Variants in ARHGEF17 observed in about 807,000 individuals in gnomAD.
ARHGEF17 encodes the protein 164 kDa Rho-specific guanine-nucleotide exchange factor.
In ARHGEF17, 80 loss-of-function variants were observed where a neutral mutation model predicts 174.0. The ratio of observed to expected loss-of-function variants is 0.46; its 90% CI spans 0.38 to 0.55. ARHGEF17 has a LOEUF of 0.55. Among genes scored for constraint, ARHGEF17 ranks in the 20% least tolerant of loss-of-function variants. ARHGEF17 has a pLI of 0.00. For missense variants in ARHGEF17, 2,886 were observed against 2,839.7 expected, an observed-to-expected ratio of 1.02 and a Z score of -0.37; for synonymous variants, 1,311 against 1,189.1, an observed-to-expected ratio of 1.10 and a Z score of -2.11.
intron 12 of ARHGEF17, 30 bp from the exon 13 acceptor site, chr11:73,362,010 C>T (rs1423383192): frequency 1.2e-6 from 2 of 1,602,572 alleles, no homozygotes; most frequent in East Asian, 4.5e-5. Context: ...CCTCCATTCA[C>T]CTTCTCCTGT....
intron 1 of ARHGEF17, among the ~76,000 whole-genome samples, chr11:73,330,251 C>T (rs896196192): frequency 2.6e-5 from 4 of 152,110 alleles, no homozygotes; most frequent in African/African-American, 9.7e-5. Flanking sequence ...TTTTACTATG[C>T]AGAAGGTTTT....
chr11:73,348,965 G>T (rs917776293), intron 2 of ARHGEF17, among the ~76,000 whole-genome samples: 1 of 152,126 alleles, frequency 6.6e-6, no homozygotes, highest in Non-Finnish European at 1.5e-5. Flanking sequence ...CCAGCAGAGG[G>T]TATGTCAGGG....
chr11:73,352,747 G>C, intron 2 of ARHGEF17, 83 bp from the exon 3 acceptor site: 12 of 1,501,188 alleles, frequency 8.0e-6, no homozygotes, highest in Non-Finnish European at 1.1e-5. Context: ...GTGATTCTGT[G>C]TGCACTCACA....
In ARHGEF17 at chr11:73,353,065, G is replaced by A. The variant is rs1054920363; in HGVS notation, c.3453+53G>A. 4 of 1,600,212 alleles carry A rather than the reference G, an allele frequency of 2.5e-6. No homozygotes were observed. The African/African-American group carries it at 4.0e-5, about 16-fold the overall frequency. On this transcript the variant is annotated intron_variant, in intron 3 of 20. Transcript: ENST00000263674. ...CACAAGCACAGGCCCTCCTGGAAGG[G>A]GCTGGATGTGGCCACGGACCCCACC...
At chr11:73,344,403 G>A (rs1055579515) in intron 1 of ARHGEF17, among the ~76,000 whole-genome samples, 3 of 152,192 alleles carry the variant, frequency 2.0e-5, no homozygotes, top group Non-Finnish European at 4.4e-5. Context: ...TGGGAGAGGC[G>A]GGCATTTGCA....
intron 1 of ARHGEF17, among the ~76,000 whole-genome samples, chr11:73,326,064 C>G (rs1865097337): frequency 1.3e-5 from 2 of 152,354 alleles, no homozygotes; most frequent in South Asian, 2.1e-4. Context: ...AATTCAATTG[C>G]ACTGTGGCCC....
intron 9 of ARHGEF17, among the ~76,000 whole-genome samples, chr11:73,358,453 C>CTTTTTTTT (rs1172357794): frequency 1.1e-5 from 1 of 93,294 alleles, no homozygotes; most frequent in African/African-American, 4.9e-5. Context: ...AGGTCCGCCT[C>CTTTTTTTT]TTTTTTTTTT....
chr11:73,361,900 T>G, intron 12 of ARHGEF17, 140 bp from the exon 13 acceptor site: 1 of 923,974 alleles, frequency 1.1e-6, no homozygotes, highest in East Asian at 2.7e-5. Context: ...TACGCGTGTG[T>G]AGAAGGGTGT....
At chr11:73,329,317 G>T in intron 1 of ARHGEF17, among the ~76,000 whole-genome samples, 1 of 79,028 alleles carries the variant, frequency 1.3e-5, no homozygotes, top group Non-Finnish European at 2.2e-5. Flanking sequence ...TATTTTGAGA[G>T]CTTTCATATA....
chr11:73,340,951 C>A (rs1434646602), intron 1 of ARHGEF17, among the ~76,000 whole-genome samples: 1 of 152,190 alleles, frequency 6.6e-6, no homozygotes, highest in African/African-American at 2.4e-5. Flanking sequence ...GGGTAAGAGG[C>A]AGAGAGCTAT....
rs778618235 is a variant in ARHGEF17, at chr11:73,310,699, C to G, written c.2061C>G (p.Asp687Glu). The change falls in exon 1 of 21, where the codon GAC (aspartate) becomes GAG (glutamate). Residue 687 changes from aspartate (D) to glutamate (E), a missense_variant. Physicochemically the swap from Asp to Glu is conservative, Grantham distance 45. This residue lies in a region of ARHGEF17 where 1,728 missense variants were observed against 1,461.2 expected (regional missense o/e 1.18). Coordinates refer to ENST00000263674, the MANE Select transcript of ARHGEF17 (RefSeq NM_014786.4). ...ACCACCATGGCCCTGGGACTGAGGACAGTCTGGGCGGGTGGGCCCTGGTGT... is the reference window on the plus strand; with the variant it reads ...ACCACCATGGCCCTGGGACTGAGGAGAGTCTGGGCGGGTGGGCCCTGGTGT... Reference protein sequence around the residue: ...QTNHHGPGTEDSLGGWALVSP... With the variant: ...QTNHHGPGTEESLGGWALVSP... The G allele has an allele frequency of 2.5e-6, 4 of 1,613,500 alleles. No individual in the cohort carries two copies. The African/African-American group carries it at 4.0e-5, about 16-fold the overall frequency.
intron 12 of ARHGEF17, among the ~76,000 whole-genome samples, chr11:73,361,466 C>T (rs965586878): frequency 3.3e-5 from 5 of 152,174 alleles, no homozygotes; most frequent in African/African-American, 1.2e-4. Context: ...ACCAGCATCA[C>T]ATTTTTTCTA....
intron 1 of ARHGEF17, among the ~76,000 whole-genome samples, chr11:73,318,477 A>G (rs1864964304): frequency 2.0e-5 from 3 of 151,860 alleles, no homozygotes; most frequent in East Asian, 1.9e-4. Flanking sequence ...CCTCTACTAA[A>G]AATAAAAAAC....
chr11:73,329,551 C>T (rs1865170776), intron 1 of ARHGEF17, among the ~76,000 whole-genome samples: 1 of 150,492 alleles, frequency 6.6e-6, no homozygotes, highest in South Asian at 2.1e-4. Context: ...AGGTATGCAC[C>T]ACCACGCCCA....
Position 73,352,745 on chromosome 11 carries a change from G to C in ARHGEF17, c.3271-85G>C, listed in dbSNP as rs112801005. The C allele has an allele frequency of 1.5e-5, 23 of 1,490,842 alleles. No individual in the cohort carries two copies. The African/African-American group carries it at 2.3e-4, about 15-fold the overall frequency. The allele number at this position is 1,490,842 out of a possible 1,614,324, so 92.4% of individuals were successfully genotyped here. A position where few individuals can be genotyped will look rare whatever the true frequency, so the allele number is the denominator to read the frequency against. ...CTGAGCTGCAGGCCCGGGTGATTCT[G>C]TGTGCACTCACACAGGGGCCCTGTG... On this transcript the variant is annotated intron_variant, in intron 2 of 20. Transcript: ENST00000263674.
chr11:73,311,510 C>T lies in ARHGEF17; in HGVS notation c.2872C>T (p.Arg958Cys), dbSNP rs371309199. ...GGCCCGGCCCTCCTCCAGACACGTTCGCCATGCCAGTGTGCCCGCCACATT... is the reference window on the plus strand; with the variant it reads ...GGCCCGGCCCTCCTCCAGACACGTTTGCCATGCCAGTGTGCCCGCCACATT... ...SRARPSSRHVRHASVPATFMP... is the reference protein window; with the variant it reads ...SRARPSSRHVCHASVPATFMP... Residue 958 changes from arginine to cysteine, a missense_variant, in exon 1 of 21, where the codon CGC (arginine) becomes TGC (cysteine). Arg to Cys is a radical substitution (Grantham distance 180, BLOSUM62 -3). Transcript: ENST00000263674. 34 of 1,613,060 alleles carry T rather than the reference C, an allele frequency of 2.1e-5. No homozygotes were observed. Among genetic ancestry groups the T allele is most frequent in the African/African-American group, 1.1e-4 (8 of 74,942 alleles).
Position 73,365,424 on chromosome 11 carries a change from G to A in ARHGEF17, c.5585G>A (p.Cys1862Tyr). Residue 1862 changes from cysteine to tyrosine, a missense_variant, in exon 19 of 21, where the codon TGC (cysteine) becomes TAC (tyrosine). Cys to Tyr is a radical substitution (Grantham distance 194). Coordinates refer to ENST00000263674, the MANE Select transcript of ARHGEF17 (RefSeq NM_014786.4). This position sits in a 1 kb window ranked among gnomAD's most constrained non-coding sequence, Gnocchi z 4.9. ...TACGTGGGTCAGGATTCAAGCCGCTGCGTGGCTTGCATGGTGGACTCCAGC... is the reference window on the plus strand; with the variant it reads ...TACGTGGGTCAGGATTCAAGCCGCTACGTGGCTTGCATGGTGGACTCCAGC... ...MFYVGQDSSR[C>Y]VACMVDSSLG... The A allele has an allele frequency of 3.7e-6, 6 of 1,614,022 alleles. No homozygotes were observed. The highest frequency in any genetic ancestry group is 5.1e-6 in the Non-Finnish European group (6 of 1,180,034).
chr11:73,334,372 A>G lies in ARHGEF17; in HGVS notation c.3193-12511A>G, dbSNP rs145187576. 3.2e-4 allele frequency among the ~76,000 whole-genome samples: 48 copies of G among 152,256 alleles called. 1 individual carries two copies. The highest frequency in any genetic ancestry group is 1.0e-3 in the African/African-American group (42 of 41,542). On this transcript the variant is annotated intron_variant, in intron 1 of 20. Coordinates refer to ENST00000263674, the MANE Select transcript of ARHGEF17 (RefSeq NM_014786.4). The stretch of plus-strand genomic sequence containing the variant: ...CCAGGCAGAGGAGCAGTCTACACAA[A>G]GATGGAGAGGTGGGGAGGAGACTGG...
chr11:73,364,139 ACTCC>A, intron 16 of ARHGEF17, 29 bp from the exon 17 acceptor site: 1 of 1,612,104 alleles, frequency 6.2e-7, no homozygotes, highest in Non-Finnish European at 8.5e-7. Flanking sequence ...GGCTGCCTGA[ACTCC>A]CTTACTGCTT....
Sources: gnomAD v4.1 joint callset for allele counts (sites outside exome capture counted in the v4.1 genomes callset) on GRCh38, gnomAD v4.1.1 for gene constraint, gnomAD v4.1.1 regional missense constraint, Gnocchi (gnomAD v3.1) non-coding constraint, MANE v1.5 for transcripts, NCBI Gene and HGNC (gene_info 2026-07-23, HGNC 2026-07-21) for gene names.